INPP4A: variants seen among roughly 807,000 people sequenced by gnomAD.
The protein encoded by INPP4A is inositol polyphosphate-4-phosphatase, type I, 107kD.
A neutral mutation model predicts 119.8 loss-of-function variants in INPP4A; 33 were observed. The observed-to-expected ratio is 0.28, with a 90% CI of 0.21 to 0.37. The LOEUF is 0.37. INPP4A is among the 10% of genes least tolerant of loss of function. INPP4A has a pLI of 1.00. For synonymous variants in INPP4A, 496 were observed against 500.7 expected, an observed-to-expected ratio of 0.99 and a Z score of 0.12; for missense variants, 956 against 1,289.9, an observed-to-expected ratio of 0.74 and a Z score of 3.97.
At chr2:98,528,783 G>T (rs914785308) in intron 4 of INPP4A, among the ~76,000 whole-genome samples, 1 of 152,096 alleles carries the variant, frequency 6.6e-6, no homozygotes, top group African/African-American at 2.4e-5. Flanking sequence ...AGACAACCAA[G>T]AATTTTCTAT....
At chr2:98,489,056 G>A (rs2105193806) in intron 1 of INPP4A, among the ~76,000 whole-genome samples, 1 of 151,756 alleles carries the variant, frequency 6.6e-6, no homozygotes, top group South Asian at 2.1e-4. Context: ...AGCTCTGTGG[G>A]GTGATGATGG....
chr2:98,468,985 TG>T (rs147539579), intron 1 of INPP4A, among the ~76,000 whole-genome samples: 133 of 71,388 alleles, frequency 1.9e-3, no homozygotes, highest in African/African-American at 6.9e-3. Flanking sequence ...TTTTGGGGGC[TG>T]GGGGTAAGGG....
chr2:98,574,760 T>C (rs773443802), intron 23 of INPP4A, among the ~76,000 whole-genome samples: 26 of 152,158 alleles, frequency 1.7e-4, no homozygotes, highest in Non-Finnish European at 3.5e-4. Flanking sequence ...AGACGAGTAG[T>C]GCAGAGACCT....
At chr2:98,524,045 A>G (rs1411882160) in intron 4 of INPP4A, among the ~76,000 whole-genome samples, 1 of 152,206 alleles carries the variant, frequency 6.6e-6, no homozygotes, top group Non-Finnish European at 1.5e-5. Context: ...ATGCCTTCAT[A>G]GAGTCTCTAA....
intron 4 of INPP4A, among the ~76,000 whole-genome samples, chr2:98,530,536 A>G (rs1689027060): frequency 1.3e-5 from 2 of 152,322 alleles, no homozygotes; most frequent in South Asian, 4.1e-4. Context: ...CATAGGGACT[A>G]CAGGTTCATT....
chr2:98,553,172 G>A (rs1166037265), intron 14 of INPP4A, among the ~76,000 whole-genome samples: 1 of 152,244 alleles, frequency 6.6e-6, no homozygotes, highest in Non-Finnish European at 1.5e-5. Context: ...CAAGGGCAGA[G>A]CCCAGGGCTC....
At chr2:98,577,903 A>C (rs1698696167) in intron 24 of INPP4A, among the ~76,000 whole-genome samples, 1 of 152,198 alleles carries the variant, frequency 6.6e-6, no homozygotes, top group Non-Finnish European at 1.5e-5. Context: ...TCTCGTTTCC[A>C]ACAGTCACTT....
chr2:98,480,224 G>A (rs1678123357), intron 1 of INPP4A, among the ~76,000 whole-genome samples: 1 of 152,220 alleles, frequency 6.6e-6, no homozygotes, highest in South Asian at 2.1e-4. Flanking sequence ...GGGGCTCCTG[G>A]TTCTGACTGT....
At chr2:98,559,407 G>A (rs1695055222) in intron 16 of INPP4A, 56 bp from the exon 17 acceptor site, 2 of 1,600,760 alleles carry the variant, frequency 1.2e-6, no homozygotes, top group East Asian at 4.5e-5. Context: ...TGAGTTGCTT[G>A]GTTTGAACTG....
intron 4 of INPP4A, among the ~76,000 whole-genome samples, chr2:98,523,256 T>C (rs182681083): frequency 1.0e-3 from 158 of 152,348 alleles, no homozygotes; most frequent in African/African-American, 3.6e-3. Context: ...AGGACATTTC[T>C]GAATCTGGTG....
rs543096260 is a variant in INPP4A at position 98,580,574 on chromosome 2, G to A, written c.2786+3431G>A. On this transcript the variant is annotated intron_variant, in intron 24 of 24. Coordinates refer to ENST00000409851, the MANE Select transcript of INPP4A (RefSeq NM_001134225.2). ...GGCCCTGCCAGCCTCTCCTGGCAGG[G>A]AATGTGGCAGTGGGTCGGTGCTCCG... 2.1e-4 allele frequency among the ~76,000 whole-genome samples: 32 copies of A among 152,352 alleles called. No individual in the cohort carries two copies. In the South Asian group the frequency reaches 6.4e-3, roughly 31 times the overall value.
chr2:98,477,031 T>C (rs1358685539), intron 1 of INPP4A, among the ~76,000 whole-genome samples: 1 of 152,198 alleles, frequency 6.6e-6, no homozygotes, highest in Non-Finnish European at 1.5e-5. Context: ...GTAGTAGTAA[T>C]AGTGGCAAAT....
chr2:98,449,910 A>G (rs1298736879), intron 1 of INPP4A, among the ~76,000 whole-genome samples: 1 of 152,238 alleles, frequency 6.6e-6, no homozygotes, highest in Non-Finnish European at 1.5e-5. Context: ...TTCCCAAATT[A>G]CCAAAAATAT....
chr2:98,450,862 C>A (rs977368455), intron 1 of INPP4A, among the ~76,000 whole-genome samples: 5 of 152,142 alleles, frequency 3.3e-5, no homozygotes, highest in African/African-American at 1.2e-4. Context: ...ACCTCCGCCC[C>A]CTGGGTTCAA....
intron 13 of INPP4A, among the ~76,000 whole-genome samples, chr2:98,550,411 C>G (rs566173635): frequency 1.3e-5 from 2 of 152,294 alleles, no homozygotes; most frequent in East Asian, 3.9e-4. Flanking sequence ...CTTCTAATGT[C>G]CAGAGTGACT....
chr2:98,496,328 A>C (rs922576089), intron 1 of INPP4A, among the ~76,000 whole-genome samples: 2 of 152,348 alleles, frequency 1.3e-5, no homozygotes, highest in Middle Eastern at 3.4e-3. Flanking sequence ...CCACGTACAG[A>C]AGAATGAAAT....
chr2:98,513,860 C>T (rs958711279), intron 1 of INPP4A, among the ~76,000 whole-genome samples: 2 of 152,252 alleles, frequency 1.3e-5, no homozygotes, highest in Non-Finnish European at 2.9e-5. Flanking sequence ...ACCCTGTGCC[C>T]ATCCCCATGT....
Position 98,593,691 on chromosome 2 carries a change from AAT to A in INPP4A, c.*6085_*6086del, listed in dbSNP as rs1384885861. Reference sequence around the variant, plus strand: ...CTCCAAGCTGGCTGAGTCTCCCTCTAATAGACGACCTTGGGATCATTTTCTCC... The same window carrying A: ...CTCCAAGCTGGCTGAGTCTCCCTCTAAGACGACCTTGGGATCATTTTCTCC... On this transcript the variant is annotated 3_prime_UTR_variant, in exon 25 of 25. Coordinates refer to ENST00000409851, the MANE Select transcript of INPP4A (RefSeq NM_001134225.2). 6.6e-6 allele frequency: 1 copy of A among 152,282 alleles called. No individual in the cohort carries two copies. Among genetic ancestry groups the A allele is most frequent in the African/African-American group, 2.4e-5 (1 of 41,408 alleles). 9.4% of individuals were successfully genotyped at this position (152,282 alleles called of 1,614,324 possible). A position where few individuals can be genotyped will look rare whatever the true frequency, so the allele number is the denominator to read the frequency against.
chr2:98,449,642 A>T (rs1360303809), intron 1 of INPP4A, among the ~76,000 whole-genome samples: 1 of 152,218 alleles, frequency 6.6e-6, no homozygotes, highest in Non-Finnish European at 1.5e-5. Flanking sequence ...AAAAACCGAG[A>T]TGTAGGCACT....
Sources: gnomAD v4.1 joint callset for allele counts (sites outside exome capture counted in the v4.1 genomes callset) on GRCh38, gnomAD v4.1.1 for gene constraint, MANE v1.5 for transcripts, NCBI Gene and HGNC (gene_info 2026-07-23, HGNC 2026-07-21) for gene names.